The following BCAR1 variants were observed in gnomAD, a reference collection of about 807,000 sequenced individuals.
BCAR1 encodes breast cancer anti-estrogen resistance protein 1.
Under a neutral mutation model 67.6 loss-of-function variants are expected in BCAR1, and 30 were observed. That is an observed-to-expected ratio of 0.44 (90% CI 0.33 to 0.60). The LOEUF (loss-of-function observed/expected upper bound fraction) is 0.60, where lower values mean the gene tolerates loss of function less well. Among genes scored for constraint, BCAR1 ranks in the 20% least tolerant of loss-of-function variants. The pLI, the probability that BCAR1 is intolerant of heterozygous loss-of-function variation, is 0.02. For synonymous variants in BCAR1, 626 were observed against 556.7 expected (o/e 1.12, Z -1.75); for missense variants, 1,313 against 1,222.3 (o/e 1.07, Z -1.11).
intron 6 of BCAR1, among the ~76,000 whole-genome samples, chr16:75,230,408 T>C (rs2076863240): frequency 6.6e-6 from 1 of 152,134 alleles, no homozygotes; most frequent in African/African-American, 2.4e-5. Context: ...CTCGACCCTA[T>C]CTTTGCAACT....
rs747802278 is a variant in BCAR1, at chr16:75,233,835, C to G, written c.2100+11G>C. On this transcript the variant is annotated intron_variant, in intron 6 of 6. Coordinates refer to ENST00000162330, the MANE Select transcript of BCAR1 (RefSeq NM_014567.5). ...GGCAAAGCTGGGCCTTGCTCTGCTC[C>G]GGGGCCTCACCTGCTGCAACTCCAG... is the stretch of plus-strand genomic sequence containing the variant. 6.3e-7 allele frequency: 1 copy of G among 1,593,974 alleles called. No homozygotes were observed. Among genetic ancestry groups the G allele is most frequent in the African/African-American group, 1.3e-5 (1 of 74,728 alleles).
At position 75,235,791 on chromosome 16, in the gene BCAR1, C is replaced by G. The variant is rs1367184303; in HGVS notation, c.1108G>C (p.Asp370His). Residue 370 changes from aspartate (D) to histidine (H), a missense_variant, in exon 5 of 7, where the codon GAC becomes CAC. By Grantham distance (81) the Asp-to-His change is moderately conservative. Transcript: ENST00000162330. ...AAGCCAGGGGGCACGTCGTAGAGGT[C>G]AGGAGCCGGGGGCGGCACGTCATAC... ...DVYDVPPPAP[D>H]LYDVPPGLRR... 2 of 1,594,378 alleles carry G rather than the reference C, an allele frequency of 1.3e-6. No homozygotes were observed. Among genetic ancestry groups the G allele is most frequent in the South Asian group, 2.3e-5 (2 of 87,934 alleles).
intron 1 of BCAR1, chr16:75,248,266 AC>A (rs1165786622): frequency 1.1e-5 from 16 of 1,461,534 alleles, no homozygotes; most frequent in African/African-American, 4.2e-5. Context: ...CACGCCCCCA[AC>A]GCACACATGC....
chr16:75,244,062 C>T (rs576456809), intron 1 of BCAR1, among the ~76,000 whole-genome samples: 1 of 152,316 alleles, frequency 6.6e-6, no homozygotes, highest in African/African-American at 2.4e-5. Context: ...CCACAGGGGC[C>T]CCAGACTTCA....
chr16:75,240,521 A>C (rs1434153759), intron 2 of BCAR1, among the ~76,000 whole-genome samples: 1 of 152,242 alleles, frequency 6.6e-6, no homozygotes, highest in Non-Finnish European at 1.5e-5. Context: ...CAACTTTGAA[A>C]TGCAAAACTG....
At position 75,228,527 on chromosome 16, in the gene BCAR1, T is replaced by G. The variant is rs12924999; in HGVS notation, c.*984A>C. 134,057 of 152,440 alleles carry G rather than the reference T, an allele frequency of 0.88. 59,398 individuals carry two copies. The highest frequency in any genetic ancestry group is 1 in the East Asian group (5,177 of 5,188). 9.4% of individuals were successfully genotyped at this position (152,440 alleles called of 1,614,324 possible). ...CCAAGCCCCTCCCTCCCAACTCAGATGCCAGGTCCAGGTATAATTCCATGT... is the reference window on the plus strand; with the variant it reads ...CCAAGCCCCTCCCTCCCAACTCAGAGGCCAGGTCCAGGTATAATTCCATGT... On this transcript the variant is annotated 3_prime_UTR_variant, in exon 7 of 7. Coordinates refer to ENST00000162330, the MANE Select transcript of BCAR1 (RefSeq NM_014567.5).
upstream of BCAR1, chr16:75,252,003 CT>C: frequency 3.1e-6 from 2 of 635,564 alleles, no homozygotes; most frequent in Non-Finnish European, 5.4e-6. Context: ...GTCGACTTGT[CT>C]TTCCCGCTAA....
At chr16:75,234,812 C>G in intron 5 of BCAR1, 77 bp downstream of exon 5, 1 of 1,502,840 alleles carries the variant, frequency 6.7e-7, no homozygotes, top group Non-Finnish European at 8.9e-7. Context: ...CAGGCCCCAG[C>G]TGAGAACAAA....
At chr16:75,243,711 G>A (rs764089246) in intron 1 of BCAR1, among the ~76,000 whole-genome samples, 8 of 152,316 alleles carry the variant, frequency 5.3e-5, no homozygotes, top group East Asian at 1.9e-4. Context: ...AGCCGGGTAC[G>A]TGCTCCATGT....
intron 1 of BCAR1, chr16:75,246,944 C>T (rs1017739767): frequency 6.6e-6 from 1 of 152,310 alleles, no homozygotes; most frequent in Non-Finnish European, 1.5e-5. Flanking sequence ...CAGGTGGACA[C>T]TGTCAGCCAC....
intron 1 of BCAR1, chr16:75,246,101 C>A (rs1199509203): frequency 6.6e-6 from 1 of 150,440 alleles, no homozygotes; most frequent in Non-Finnish European, 1.5e-5. Flanking sequence ...ACCTTAGCCT[C>A]CCAAGTAGCT....
chr16:75,248,293 G>C, intron 1 of BCAR1: 1 of 1,420,942 alleles, frequency 7.0e-7, no homozygotes, highest in Non-Finnish European at 9.2e-7. Flanking sequence ...CCCCAGCACA[G>C]AGCCTCGCAC....
Position 75,242,476 on chromosome 16 carries a change from C to G in BCAR1, c.627G>C (p.Pro209=), listed in dbSNP as rs759346688. The change falls in exon 2 of 7, where the codon CCG becomes CCC. Residue 209 remains proline, a synonymous_variant. Transcript: ENST00000162330. ...DTRSWEGTKP[P]AKVVVPTRVG... Reference sequence around the variant, plus strand: ...TGTGCCAGGACAGCCTTACCTTTGCCGGGGGCTTCGTGCCCTCCCAGCTGC... The same window carrying G: ...TGTGCCAGGACAGCCTTACCTTTGCGGGGGGCTTCGTGCCCTCCCAGCTGC... 4.1e-6 allele frequency: 6 copies of G among 1,454,704 alleles called. No individual in the cohort carries two copies. In the South Asian group the frequency reaches 8.2e-5, roughly 20 times the overall value. The allele number at this position is 1,454,704 out of a possible 1,614,324, so 90.1% of individuals were successfully genotyped here.
intron 1 of BCAR1, chr16:75,247,882 G>A: frequency 1.5e-6 from 1 of 665,598 alleles, no homozygotes; most frequent in Non-Finnish European, 2.7e-6. Context: ...CCTGTTCTCT[G>A]CCCAAGACCC....
At chr16:75,261,625 A>G (rs2151481189) in intron 1 of BCAR1, among the ~76,000 whole-genome samples, 1 of 152,372 alleles carries the variant, frequency 6.6e-6, no homozygotes, top group South Asian at 2.1e-4. Context: ...GCCCCAATGC[A>G]GGTCACTCTC....
At chr16:75,237,033 G>C (rs2077164634) in intron 3 of BCAR1, 35 bp from the exon 4 acceptor site, 1 of 1,548,144 alleles carries the variant, frequency 6.5e-7, no homozygotes, top group African/African-American at 1.4e-5. Context: ...AACGGCGCCA[G>C]GGCCACTTGG....
chr16:75,235,583 T>C lies in BCAR1; in HGVS notation c.1316A>G (p.Gln439Arg). ...ASSTGSTRSS[Q>R]SASSLEVAGP... ...TGCCACCTCCAAGGAGGACGCAGAC[T>C]GGCTGCTGCGTGTGCTGCCGGTGCT... Residue 439 changes from glutamine (Q) to arginine (R), a missense_variant, in exon 5 of 7, where the codon CAG becomes CGG. Physicochemically the swap from Gln to Arg is conservative, Grantham distance 43. Transcript: ENST00000162330. The C allele has an allele frequency of 6.3e-7, 1 of 1,593,204 alleles. No individual in the cohort carries two copies. Among genetic ancestry groups the C allele is most frequent in the Non-Finnish European group, 8.5e-7 (1 of 1,170,114 alleles).
At position 75,242,301 on chromosome 16, in the gene BCAR1, C is replaced by T. The variant is rs183920829; in HGVS notation, c.633+169G>A. Among the ~76,000 whole-genome samples the T allele has an allele frequency of 6.9e-3, 1,049 of 152,316 alleles. 10 individuals carry two copies. The highest frequency in any genetic ancestry group is 0.024 in the African/African-American group (998 of 41,550). On this transcript the variant is annotated intron_variant, in intron 2 of 6. Coordinates refer to ENST00000162330, the MANE Select transcript of BCAR1 (RefSeq NM_014567.5). ...TGGGTCCATTCACATCCATCTTCCC[C>T]GGACAAATGAACACCCCCCAAACAC...
chr16:75,239,196 C>G lies in BCAR1; in HGVS notation c.634-1852G>C, dbSNP rs193179091. The G allele has an allele frequency of 1.1e-5, 9 of 843,778 alleles. No individual in the cohort carries two copies. In the African/African-American group the frequency reaches 1.7e-4, roughly 16 times the overall value. The allele number at this position is 843,778 out of a possible 1,614,324, so 52.3% of individuals were successfully genotyped here. On this transcript the variant is annotated intron_variant, in intron 2 of 6. Coordinates refer to ENST00000162330, the MANE Select transcript of BCAR1 (RefSeq NM_014567.5). The stretch of plus-strand genomic sequence containing the variant: ...GCCCCACTGCTAATCACAGGCCACC[C>G]TGCTGCACACCTGAGACCCCACTAG...
Sources: allele counts gnomAD v4.1 joint callset (sites outside exome capture counted in the v4.1 genomes callset), GRCh38; gene constraint gnomAD v4.1.1; transcripts MANE v1.5; gene names NCBI Gene and HGNC (gene_info 2026-07-23, HGNC 2026-07-21).